CCSER1: variants seen among roughly 807,000 people sequenced by gnomAD.
The protein encoded by CCSER1 is serine-rich coiled-coil domain-containing protein 1.
CCSER1 carries 41 observed loss-of-function variants against 82.0 expected under a neutral mutation model. That is an observed-to-expected ratio of 0.50 (90% CI 0.39 to 0.65). The LOEUF is 0.65. Among genes scored for constraint, CCSER1 ranks in the 30% least tolerant of loss-of-function variants. The pLI is 0.00. For missense variants in CCSER1, 1,119 were observed against 1,064.2 expected (o/e 1.05, Z -0.72); for synonymous variants, 414 against 383.9 (o/e 1.08, Z -0.92).
intron 8 of CCSER1, among the ~76,000 whole-genome samples, chr4:90,835,320 A>G (rs928503590): frequency 6.6e-6 from 1 of 152,214 alleles, no homozygotes; most frequent in Non-Finnish European, 1.5e-5. Flanking sequence ...GACAGAGCCA[A>G]ACTCCGTCTC....
chr4:90,823,876 A>G (rs56795574), intron 8 of CCSER1, among the ~76,000 whole-genome samples: 5,365 of 152,028 alleles, frequency 0.035, 174 homozygotes, highest in East Asian at 0.16. Context: ...CAAATATTAC[A>G]TTTATTAAAA....
chr4:90,616,094 G>T (rs1292440966), intron 5 of CCSER1, among the ~76,000 whole-genome samples: 2 of 152,138 alleles, frequency 1.3e-5, no homozygotes, highest in Non-Finnish European at 2.9e-5. Context: ...TTTAAATTAA[G>T]GCGTGTACAT....
At chr4:90,399,155 AC>A (rs1752443845) in intron 3 of CCSER1, among the ~76,000 whole-genome samples, 1 of 152,004 alleles carries the variant, frequency 6.6e-6, no homozygotes, top group Non-Finnish European at 1.5e-5. Flanking sequence ...TATACTTATC[AC>A]CCATTTATAT....
chr4:91,033,772 C>A (rs1056306788), intron 9 of CCSER1, among the ~76,000 whole-genome samples: 4 of 152,120 alleles, frequency 2.6e-5, no homozygotes, highest in Non-Finnish European at 4.4e-5. Flanking sequence ...GGTCAAAGAA[C>A]TTCAAATATT....
At chr4:91,028,816 C>T (rs569781520) in intron 9 of CCSER1, among the ~76,000 whole-genome samples, 1 of 152,080 alleles carries the variant, frequency 6.6e-6, no homozygotes, top group Admixed American at 6.6e-5. Context: ...CAGATGCAGT[C>T]ATAACCAGAG....
chr4:90,166,053 G>A (rs1016037877), intron 1 of CCSER1, among the ~76,000 whole-genome samples: 13 of 151,994 alleles, frequency 8.6e-5, no homozygotes, highest in African/African-American at 2.9e-4. Flanking sequence ...ACAATATTTC[G>A]ACTTTATGAT....
chr4:91,132,946 G>A (rs1266219332), intron 10 of CCSER1, among the ~76,000 whole-genome samples: 3 of 152,102 alleles, frequency 2.0e-5, no homozygotes, highest in Admixed American at 6.6e-5. Context: ...CTAACAGACT[G>A]TAGATCTGAC....
intron 5 of CCSER1, among the ~76,000 whole-genome samples, chr4:90,522,826 C>A (rs1005571671): frequency 6.6e-6 from 1 of 152,220 alleles, no homozygotes; most frequent in East Asian, 1.9e-4. Flanking sequence ...GACTTAAATT[C>A]TCTATGCATA....
intron 8 of CCSER1, among the ~76,000 whole-genome samples, chr4:90,870,471 T>G (rs1467172588): frequency 1.3e-5 from 2 of 151,796 alleles, no homozygotes; most frequent in Non-Finnish European, 3.0e-5. Flanking sequence ...GTCCTTCATT[T>G]TGTTTTTATG....
intron 4 of CCSER1, among the ~76,000 whole-genome samples, chr4:90,431,015 C>G (rs1209767005): frequency 6.6e-6 from 1 of 151,878 alleles, no homozygotes; most frequent in Non-Finnish European, 1.5e-5. Flanking sequence ...AATGGATGGC[C>G]TGTTTTTAGT....
At chr4:90,276,251 T>TTTCTTTCTTCCC (rs1727659770) in intron 1 of CCSER1, among the ~76,000 whole-genome samples, 47 of 76,850 alleles carry the variant, frequency 6.1e-4, no homozygotes, top group African/African-American at 2.4e-3. Context: ...TCTTTCTTTC[T>TTTCTTTCTTCCC]TTCCTTCCTT....
At chr4:90,856,262 A>G (rs1213185941) in intron 8 of CCSER1, among the ~76,000 whole-genome samples, 2 of 152,076 alleles carry the variant, frequency 1.3e-5, no homozygotes, top group African/African-American at 4.8e-5. Context: ...GTTGATTTCT[A>G]ATTTCTAATG....
chr4:91,476,677 G>A (rs1757616617), intron 10 of CCSER1, among the ~76,000 whole-genome samples: 2 of 151,314 alleles, frequency 1.3e-5, no homozygotes, highest in Non-Finnish European at 3.0e-5. Flanking sequence ...AACTAAAATA[G>A]CATGACACTG....
At chr4:91,247,054 C>T (rs1739846628) in intron 10 of CCSER1, among the ~76,000 whole-genome samples, 1 of 152,124 alleles carries the variant, frequency 6.6e-6, no homozygotes, top group Non-Finnish European at 1.5e-5. Context: ...GTAATCCCAG[C>T]ACTTTGGGAG....
chr4:91,533,526 A>G (rs2110174276), intron 10 of CCSER1, among the ~76,000 whole-genome samples: 1 of 152,266 alleles, frequency 6.6e-6, no homozygotes, highest in South Asian at 2.1e-4. Flanking sequence ...AGTGAATGAG[A>G]ATAGGTTTAG....
chr4:90,881,325 G>C (rs544293920), intron 8 of CCSER1, among the ~76,000 whole-genome samples: 1 of 152,116 alleles, frequency 6.6e-6, no homozygotes, highest in Non-Finnish European at 1.5e-5. Context: ...GACAGAGAGA[G>C]AGAGAGGGGG....
At chr4:90,279,047 C>A (rs1728429854) in intron 1 of CCSER1, among the ~76,000 whole-genome samples, 1 of 151,998 alleles carries the variant, frequency 6.6e-6, no homozygotes, top group Admixed American at 6.6e-5. Context: ...CCATGTTTTA[C>A]ATTATATTCT....
At chr4:90,840,885 A>T (rs1296397957) in intron 8 of CCSER1, among the ~76,000 whole-genome samples, 1 of 152,186 alleles carries the variant, frequency 6.6e-6, no homozygotes, top group African/African-American at 2.4e-5. Context: ...AGGCAGAAAA[A>T]AATTTTCAAC....
In CCSER1 at chr4:91,461,088, T is replaced by TC. The variant is rs1356803416; in HGVS notation, c.2218-137483dup. Among the ~76,000 whole-genome samples the TC allele has an allele frequency of 2.0e-5, 3 of 152,168 alleles. No homozygotes were observed. The South Asian group carries it at 6.2e-4, about 31-fold the overall frequency. The stretch of plus-strand genomic sequence containing the variant: ...AAATCTCTTTTGAGTTCTCTCACTA[T>TC]CTAGATGGTTGTAAATTTACTTCCA... On this transcript the variant is annotated intron_variant, in intron 10 of 10. Transcript: ENST00000509176.
Sources: gnomAD v4.1 joint callset for allele counts (sites outside exome capture counted in the v4.1 genomes callset) on GRCh38, gnomAD v4.1.1 for gene constraint, MANE v1.5 for transcripts, NCBI Gene and HGNC (gene_info 2026-07-23, HGNC 2026-07-21) for gene names.